Variants in VPS53 observed in about 807,000 individuals in gnomAD.
VPS53 encodes vacuolar protein sorting-associated protein 53 homolog.
A neutral mutation model predicts 107.0 loss-of-function variants in VPS53; 70 were observed. That is an observed-to-expected ratio of 0.65 (90% CI 0.54 to 0.80). The LOEUF (loss-of-function observed/expected upper bound fraction) is 0.80. Ranked by LOEUF, VPS53 falls within the 30% of genes least tolerant of loss-of-function variation. VPS53 has a pLI of 0.00. For missense variants in VPS53, 917 were observed against 1,049.4 expected (o/e 0.87, Z 1.74); for synonymous variants, 409 against 393.3 (o/e 1.04, Z -0.47).
chr17:699,454 G>T, intron 2 of VPS53, 74 bp from the exon 3 acceptor site: 2 of 1,185,802 alleles, frequency 1.7e-6, no homozygotes, highest in Non-Finnish European at 2.3e-6. Flanking sequence ...AAAATGATGT[G>T]CTATAATAGC....
intron 11 of VPS53, among the ~76,000 whole-genome samples, chr17:612,138 A>C (rs1968911122): frequency 6.6e-6 from 1 of 152,074 alleles, no homozygotes; most frequent in Admixed American, 6.6e-5. Flanking sequence ...TCAAATAGTG[A>C]ATTCACACAG....
At chr17:714,509 C>T (rs1352408647) in intron 1 of VPS53, 114 bp downstream of exon 1, 15 of 1,031,370 alleles carry the variant, frequency 1.5e-5, no homozygotes, top group Admixed American at 4.5e-5. Flanking sequence ...TCCACTTTCC[C>T]TTCTGCCGCG....
chr17:630,399 T>G (rs1419965576), intron 8 of VPS53, among the ~76,000 whole-genome samples: 1 of 152,024 alleles, frequency 6.6e-6, no homozygotes. Flanking sequence ...TGAGCGAATA[T>G]CCCCACAATC....
chr17:704,819 TTC>T (rs1487118504), intron 2 of VPS53, among the ~76,000 whole-genome samples: 32 of 152,196 alleles, frequency 2.1e-4, no homozygotes, highest in Admixed American at 7.2e-4. Flanking sequence ...ACCTGGTGGT[TTC>T]CTACAAAATT....
intron 7 of VPS53, among the ~76,000 whole-genome samples, chr17:646,858 C>T (rs1410158245): frequency 1.4e-5 from 2 of 148,024 alleles, no homozygotes; most frequent in African/African-American, 2.5e-5. Context: ...ATCCATATCA[C>T]GGACTGGAGA....
chr17:702,456 G>C (rs1050194095), intron 2 of VPS53, among the ~76,000 whole-genome samples: 2 of 151,982 alleles, frequency 1.3e-5, no homozygotes, highest in African/African-American at 4.8e-5. Flanking sequence ...AAGGTCAGGA[G>C]TTCGAGACCA....
At position 653,313 on chromosome 17, in the gene VPS53, G is replaced by T; in HGVS notation, c.586C>A (p.Gln196Lys). Residue 196 changes from glutamine (Q) to lysine (K), a missense_variant, in exon 7 of 22, where the codon CAG becomes AAG. Physicochemically the swap from Gln to Lys is moderately conservative, Grantham distance 53. Transcript: ENST00000437048. ...TACCTTTCGGAAAGCTGCCGGATCT[G>T]CGGAATCCCCATATACTTGTGGAAG... Reference protein sequence around the residue: ...EHFHKYMGIPQIRQLSERVKA... With the variant: ...EHFHKYMGIPKIRQLSERVKA... 6.2e-7 allele frequency: 1 copy of T among 1,614,106 alleles called. No individual in the cohort carries two copies. The highest frequency in any genetic ancestry group is 8.5e-7 in the Non-Finnish European group (1 of 1,179,980).
chr17:633,136 T>C (rs1970030840), intron 7 of VPS53, among the ~76,000 whole-genome samples: 2 of 152,194 alleles, frequency 1.3e-5, no homozygotes, highest in Admixed American at 1.3e-4. Context: ...GCGGCTAGGA[T>C]GGAAAGCGGC....
chr17:620,958 C>T (rs1969445446), intron 11 of VPS53, among the ~76,000 whole-genome samples: 1 of 151,780 alleles, frequency 6.6e-6, no homozygotes, highest in South Asian at 2.1e-4. Context: ...CTGATTTGGC[C>T]CATCTCTCTC....
intron 4 of VPS53, among the ~76,000 whole-genome samples, chr17:690,245 GACAC>G (rs1972732159): frequency 6.6e-6 from 1 of 152,196 alleles, no homozygotes; most frequent in South Asian, 2.1e-4. Flanking sequence ...CGAAAGCTGA[GACAC>G]ACACGGTCTG....
rs1025684899 is a variant in VPS53 at position 519,814 on chromosome 17, C to T, written c.2328+12G>A. 20 of 1,544,224 alleles carry T rather than the reference C, an allele frequency of 1.3e-5. No homozygotes were observed. The highest frequency in any genetic ancestry group is 1.1e-4 in the African/African-American group (8 of 73,004). On this transcript the variant is annotated intron_variant, in intron 21 of 21. Transcript: ENST00000437048. The surrounding 1 kb of genome is among the most constrained non-coding windows in gnomAD (Gnocchi z 5.0). ...GGATGAGCAGGTGTGGACCAAATGTCCCGGCACAAACCTTCATGTCCAGTA... is the reference window on the plus strand; with the variant it reads ...GGATGAGCAGGTGTGGACCAAATGTTCCGGCACAAACCTTCATGTCCAGTA...
intron 12 of VPS53, among the ~76,000 whole-genome samples, chr17:591,875 T>C (rs1967678179): frequency 6.6e-6 from 1 of 152,132 alleles, no homozygotes; most frequent in Admixed American, 6.6e-5. Flanking sequence ...AGAGTTGATT[T>C]GGGGTGGAGA....
chr17:562,633 CAAAG>C lies in VPS53; in HGVS notation c.1422_1425del (p.Phe475SerfsTer19). 6.2e-7 allele frequency: 1 copy of C among 1,613,900 alleles called. No homozygotes were observed. The highest frequency in any genetic ancestry group is 8.5e-7 in the Non-Finnish European group (1 of 1,180,000). ...TGCACCATGCACTTCTTGTAGTAGA[CAAAG>C]AGGTCGGCGCAGCTGGGGAGCACGG... On this transcript the variant is annotated frameshift_variant, in exon 14 of 22. Coordinates refer to ENST00000437048, the MANE Select transcript of VPS53 (RefSeq NM_001128159.3). LOFTEE classifies it high-confidence loss of function.
chr17:552,764 G>A (rs1405990981), intron 16 of VPS53: 3 of 226,966 alleles, frequency 1.3e-5, no homozygotes, highest in Non-Finnish European at 2.6e-5. Context: ...AGGTACAATG[G>A]CAGCCCAGTT....
intron 11 of VPS53, among the ~76,000 whole-genome samples, chr17:606,884 C>T (rs556070602): frequency 2.0e-5 from 3 of 150,342 alleles, no homozygotes; most frequent in South Asian, 2.1e-4. Context: ...CCCACCCCCA[C>T]CTCTGGAAAA....
chr17:699,803 C>T (rs951369153), intron 2 of VPS53, among the ~76,000 whole-genome samples: 1 of 152,170 alleles, frequency 6.6e-6, no homozygotes, highest in African/African-American at 2.4e-5. Flanking sequence ...TGAATGAATG[C>T]ACAACACCAT....
chr17:711,406 T>C (rs1005212324), intron 1 of VPS53, among the ~76,000 whole-genome samples: 4 of 152,164 alleles, frequency 2.6e-5, no homozygotes, highest in Non-Finnish European at 5.9e-5. Flanking sequence ...AATCAAAATA[T>C]CTTCAAGACA....
intron 12 of VPS53, among the ~76,000 whole-genome samples, chr17:591,993 G>A (rs1967685482): frequency 6.6e-6 from 1 of 152,070 alleles, no homozygotes; most frequent in Non-Finnish European, 1.5e-5. Context: ...ACAGTGGGGT[G>A]TTAAAGTCTC....
At position 618,558 on chromosome 17, in the gene VPS53, G is replaced by T. The variant is rs7220618; in HGVS notation, c.1116+4975C>A. 6.7e-3 allele frequency among the ~76,000 whole-genome samples: 1,005 copies of T among 149,940 alleles called. 16 individuals carry two copies. The highest frequency in any genetic ancestry group is 0.024 in the African/African-American group (956 of 40,498). ...TGGGACTACAGGCATGCGCCATCAG[G>T]CCCCGCTATTATTTCCCAGGTAGCT... On this transcript the variant is annotated intron_variant, in intron 11 of 21. Coordinates refer to ENST00000437048, the MANE Select transcript of VPS53 (RefSeq NM_001128159.3).
Sources: gnomAD v4.1 joint callset for allele counts (sites outside exome capture counted in the v4.1 genomes callset) on GRCh38, gnomAD v4.1.1 for gene constraint, Gnocchi (gnomAD v3.1) non-coding constraint, MANE v1.5 for transcripts, NCBI Gene and HGNC (gene_info 2026-07-23, HGNC 2026-07-21) for gene names.